The following CNTN1 variants were observed in gnomAD, a reference collection of about 807,000 sequenced individuals.
CNTN1 encodes the protein contactin 1.
In CNTN1, 38 loss-of-function variants were observed where a neutral mutation model predicts 126.4. The observed-to-expected ratio is 0.30, with a 90% CI of 0.23 to 0.39. CNTN1 has a LOEUF of 0.39. CNTN1 is among the 10% of genes least tolerant of loss of function. The pLI is 1.00. For missense variants in CNTN1, 1,009 were observed against 1,248.4 expected (o/e 0.81, Z 2.89); for synonymous variants, 413 against 422.6 (o/e 0.98, Z 0.28).
intron 1 of CNTN1, among the ~76,000 whole-genome samples, chr12:40,705,601 T>A (rs1423050472): frequency 6.6e-6 from 1 of 152,226 alleles, no homozygotes; most frequent in African/African-American, 2.4e-5. Context: ...TACATATGTA[T>A]ACATGTGACA....
chr12:41,015,892 T>G (rs1287864611), intron 18 of CNTN1, among the ~76,000 whole-genome samples: 1 of 152,100 alleles, frequency 6.6e-6, no homozygotes, highest in Non-Finnish European at 1.5e-5. Flanking sequence ...CAAGAAACCT[T>G]GAGAAAATGA....
intron 23 of CNTN1, among the ~76,000 whole-genome samples, chr12:41,040,718 CTG>C (rs1439622903): frequency 6.6e-6 from 1 of 151,908 alleles, no homozygotes; most frequent in African/African-American, 2.4e-5. Context: ...CTCTGTTTGT[CTG>C]TGATTGGTGT....
intron 1 of CNTN1, among the ~76,000 whole-genome samples, chr12:40,828,786 T>C (rs184933647): frequency 1.8e-4 from 27 of 152,254 alleles, no homozygotes; most frequent in African/African-American, 6.0e-4. Flanking sequence ...GCATACAAAT[T>C]GAGCAGATGG....
intron 1 of CNTN1, among the ~76,000 whole-genome samples, chr12:40,741,463 A>G (rs1937941178): frequency 6.6e-6 from 1 of 152,088 alleles, no homozygotes; most frequent in Admixed American, 6.6e-5. Context: ...CCACAAAAAG[A>G]AATAAAAGTG....
chr12:41,059,156 A>C (rs541936579), intron 23 of CNTN1, among the ~76,000 whole-genome samples: 16 of 151,752 alleles, frequency 1.1e-4, no homozygotes, highest in African/African-American at 3.9e-4. Context: ...CTAGGAGAAA[A>C]ATCTTAATAC....
At position 40,754,745 on chromosome 12, in the gene CNTN1, A is replaced by T. The variant is rs1263712250; in HGVS notation, c.-77+62153A>T. On this transcript the variant is annotated intron_variant, in intron 1 of 23. Coordinates refer to ENST00000551295, the MANE Select transcript of CNTN1 (RefSeq NM_001843.4). ...GTTATGTTCATAGTTTTAAAAATTA[A>T]ATCTACCTGTATTCTTTTTTGCTTT... Among the ~76,000 whole-genome samples the T allele has an allele frequency of 3.9e-5, 6 of 152,134 alleles. No individual in the cohort carries two copies. In the East Asian group the frequency reaches 1.2e-3, roughly 29 times the overall value.
At chr12:40,729,928 GT>G (rs1942450590) in intron 1 of CNTN1, 1 of 153,062 alleles carries the variant, frequency 6.5e-6, no homozygotes, top group South Asian at 2.1e-4. Flanking sequence ...CATCTCAATA[GT>G]ACCTTCTTAC....
chr12:40,969,003 T>C (rs965922119), intron 15 of CNTN1, among the ~76,000 whole-genome samples: 1 of 152,204 alleles, frequency 6.6e-6, no homozygotes, highest in African/African-American at 2.4e-5. Flanking sequence ...TTAGCTCGTT[T>C]AAAATTAGAA....
chr12:40,700,236 TA>T (rs1315536376), intron 1 of CNTN1, among the ~76,000 whole-genome samples: 3 of 152,140 alleles, frequency 2.0e-5, no homozygotes, highest in Non-Finnish European at 4.4e-5. Context: ...ATTATTAAAA[TA>T]TTTTTTTCAG....
intron 1 of CNTN1, among the ~76,000 whole-genome samples, chr12:40,727,435 T>G (rs759362358): frequency 2.9e-4 from 44 of 149,640 alleles, no homozygotes; most frequent in Non-Finnish European, 5.6e-4. Context: ...AAAATGTACA[T>G]CACAGATTAA....
intron 14 of CNTN1, among the ~76,000 whole-genome samples, chr12:40,955,583 T>C (rs958320691): frequency 1.3e-5 from 2 of 152,122 alleles, no homozygotes; most frequent in Non-Finnish European, 2.9e-5. Context: ...AGAATGTCTA[T>C]TTAATAAAAA....
chr12:40,737,357 G>GTATATATA (rs773215644), intron 1 of CNTN1, among the ~76,000 whole-genome samples: 24,820 of 103,848 alleles, frequency 0.24, 3,426 homozygotes, highest in South Asian at 0.36. Context: ...ATATGTGTGT[G>GTATATATA]TGTATATATA....
At chr12:41,025,065 T>C (rs1949009899) in intron 20 of CNTN1, 85 bp from the exon 21 acceptor site, 2 of 1,271,334 alleles carry the variant, frequency 1.6e-6, no homozygotes, top group Admixed American at 1.7e-5. Context: ...CCAACACCAA[T>C]GGTAATAGAA....
chr12:40,967,461 C>T (rs1947349458), intron 15 of CNTN1, among the ~76,000 whole-genome samples: 1 of 152,106 alleles, frequency 6.6e-6, no homozygotes, highest in Non-Finnish European at 1.5e-5. Flanking sequence ...GCCTGGGCGA[C>T]AGAGTGAGAC....
At chr12:41,042,430 G>C (rs545312382) in intron 23 of CNTN1, among the ~76,000 whole-genome samples, 131 of 152,124 alleles carry the variant, frequency 8.6e-4, no homozygotes, top group African/African-American at 3.1e-3. Flanking sequence ...ATGTCTATTA[G>C]GTCCGCTTGG....
intron 17 of CNTN1, among the ~76,000 whole-genome samples, chr12:41,006,402 G>A (rs1948494887): frequency 6.6e-6 from 1 of 152,190 alleles, no homozygotes; most frequent in African/African-American, 2.4e-5. Flanking sequence ...GCAGGCAGGA[G>A]CAGAGGACCC....
At chr12:40,852,777 T>G (rs1424627946) in intron 1 of CNTN1, among the ~76,000 whole-genome samples, 1 of 152,174 alleles carries the variant, frequency 6.6e-6, no homozygotes, top group African/African-American at 2.4e-5. Flanking sequence ...AAACTTTATG[T>G]ATCTCAGTTA....
chr12:40,795,672 A>G (rs976927121), intron 1 of CNTN1, among the ~76,000 whole-genome samples: 1 of 152,124 alleles, frequency 6.6e-6, no homozygotes, highest in Non-Finnish European at 1.5e-5. Flanking sequence ...AAACAAAACT[A>G]TACTTATTAC....
At chr12:41,012,262 TG>T (rs1948679353) in intron 17 of CNTN1, among the ~76,000 whole-genome samples, 1 of 152,166 alleles carries the variant, frequency 6.6e-6, no homozygotes, top group South Asian at 2.1e-4. Flanking sequence ...AGATGCTCAC[TG>T]GGGGTACCCT....
Sources: allele counts gnomAD v4.1 joint callset (sites outside exome capture counted in the v4.1 genomes callset), GRCh38; gene constraint gnomAD v4.1.1; transcripts MANE v1.5; gene names NCBI Gene and HGNC (gene_info 2026-07-23, HGNC 2026-07-21).